The following CNTN5 variants were observed in gnomAD, a reference collection of about 807,000 sequenced individuals.
CNTN5 encodes the protein contactin-5.
CNTN5 carries 77 observed loss-of-function variants against 129.1 expected under a neutral mutation model. The observed-to-expected ratio is 0.60, with a 90% CI of 0.50 to 0.72. The LOEUF (loss-of-function observed/expected upper bound fraction) is 0.72. Among genes scored for constraint, CNTN5 ranks in the 30% least tolerant of loss-of-function variants. The probability of loss-of-function intolerance (pLI) is 0.00; values close to 1 mark genes in which losing one functional copy is unlikely to be tolerated. For synonymous variants in CNTN5, 509 were observed against 465.6 expected (o/e 1.09, Z -1.20); for missense variants, 1,478 against 1,328.8 (o/e 1.11, Z -1.75).
chr11:99,795,391 C>G (rs894901611), intron 3 of CNTN5, among the ~76,000 whole-genome samples: 1 of 152,192 alleles, frequency 6.6e-6, no homozygotes, highest in South Asian at 2.1e-4. Context: ...ATCTTTATTC[C>G]TATCCATATT....
At chr11:99,435,861 A>G (rs1228660679) in intron 2 of CNTN5, among the ~76,000 whole-genome samples, 3 of 152,202 alleles carry the variant, frequency 2.0e-5, no homozygotes, top group Admixed American at 6.5e-5. Context: ...ATGAAATTAT[A>G]TATGAGGAAG....
At chr11:99,668,956 C>T (rs1489308330) in intron 3 of CNTN5, among the ~76,000 whole-genome samples, 1 of 152,062 alleles carries the variant, frequency 6.6e-6, no homozygotes, top group African/African-American at 2.4e-5. Context: ...AATGCTCCAA[C>T]TGGGGGGAAA....
At chr11:99,954,335 G>T (rs1322023359) in intron 7 of CNTN5, among the ~76,000 whole-genome samples, 4 of 145,348 alleles carry the variant, frequency 2.8e-5, no homozygotes, top group African/African-American at 1.0e-4. Context: ...AAACATTTTA[G>T]TTGCTTTAGA....
At chr11:99,899,964 G>A (rs1456318491) in intron 6 of CNTN5, among the ~76,000 whole-genome samples, 1 of 151,900 alleles carries the variant, frequency 6.6e-6, no homozygotes, top group African/African-American at 2.4e-5. Flanking sequence ...AATCCTGGAA[G>A]TTTGTATGTT....
At chr11:99,383,533 G>A (rs1038315551) in intron 2 of CNTN5, among the ~76,000 whole-genome samples, 2 of 151,840 alleles carry the variant, frequency 1.3e-5, no homozygotes, top group African/African-American at 4.8e-5. Flanking sequence ...GTTATTAAAG[G>A]GACTCGATAC....
chr11:99,554,859 A>G (rs1948614574), intron 2 of CNTN5, among the ~76,000 whole-genome samples: 1 of 152,038 alleles, frequency 6.6e-6, no homozygotes, highest in Non-Finnish European at 1.5e-5. Context: ...AATTGTCACA[A>G]TTAGCTATGA....
chr11:99,861,502 T>A (rs1443154152), intron 6 of CNTN5, among the ~76,000 whole-genome samples: 1 of 152,208 alleles, frequency 6.6e-6, no homozygotes, highest in Non-Finnish European at 1.5e-5. Flanking sequence ...CATTTGAATT[T>A]TTTTTTCCAA....
chr11:100,074,404 A>G (rs1944045867), intron 13 of CNTN5, 110 bp downstream of exon 13: 1 of 953,520 alleles, frequency 1.0e-6, no homozygotes. Context: ...GACGTATTTT[A>G]TGAACTGATT....
chr11:99,944,488 A>G (rs1237442124), intron 7 of CNTN5, among the ~76,000 whole-genome samples: 1 of 152,100 alleles, frequency 6.6e-6, no homozygotes, highest in African/African-American at 2.4e-5. Flanking sequence ...CTTCTATTCA[A>G]TGTAGTATTG....
intron 1 of CNTN5, among the ~76,000 whole-genome samples, chr11:99,055,063 T>G (rs1443463743): frequency 6.6e-6 from 1 of 151,948 alleles, no homozygotes; most frequent in African/African-American, 2.4e-5. Flanking sequence ...TTCCCAGAAT[T>G]CAAAATATCT....
rs1218919071 is a variant in CNTN5 at position 100,358,438 on chromosome 11, T to C, written c.*2218T>C. On this transcript the variant is annotated 3_prime_UTR_variant, in exon 25 of 25. Transcript: ENST00000524871. ...GTTTTTACTTAACATACACAGAATA[T>C]GTATTTTGCATCATAAACCTATTTA... 1 of 151,914 alleles carries C rather than the reference T, an allele frequency of 6.6e-6. No individual in the cohort carries two copies. Among genetic ancestry groups the C allele is most frequent in the Non-Finnish European group, 1.5e-5 (1 of 67,844 alleles). 9.4% of individuals were successfully genotyped at this position (151,914 alleles called of 1,614,324 possible). A position where few individuals can be genotyped will look rare whatever the true frequency, so the allele number is the denominator to read the frequency against.
At chr11:99,530,705 T>C (rs1304454521) in intron 2 of CNTN5, among the ~76,000 whole-genome samples, 6 of 152,158 alleles carry the variant, frequency 3.9e-5, no homozygotes, top group African/African-American at 1.4e-4. Context: ...GGCCAGTCTT[T>C]CCCATGCTAT....
chr11:99,886,723 G>T (rs1841201098), intron 6 of CNTN5, among the ~76,000 whole-genome samples: 1 of 152,130 alleles, frequency 6.6e-6, no homozygotes, highest in African/African-American at 2.4e-5. Flanking sequence ...TTCAGAAAAT[G>T]AAATATGTTA....
At chr11:100,030,091 C>A (rs1248586827) in intron 9 of CNTN5, among the ~76,000 whole-genome samples, 1 of 151,992 alleles carries the variant, frequency 6.6e-6, no homozygotes, top group Non-Finnish European at 1.5e-5. Flanking sequence ...AAGAACATGG[C>A]TGTAGGTCAG....
intron 7 of CNTN5, among the ~76,000 whole-genome samples, chr11:99,947,389 G>A (rs1335699311): frequency 6.6e-6 from 1 of 150,418 alleles, no homozygotes; most frequent in East Asian, 1.9e-4. Flanking sequence ...ACAAATTCTT[G>A]ATGTAGAAAA....
At chr11:99,325,103 A>G (rs1865728155) in intron 1 of CNTN5, among the ~76,000 whole-genome samples, 1 of 152,086 alleles carries the variant, frequency 6.6e-6, no homozygotes, top group Non-Finnish European at 1.5e-5. Context: ...GTAAGCTTAG[A>G]GTGACATTAT....
At chr11:100,235,469 G>A (rs963753028) in intron 16 of CNTN5, among the ~76,000 whole-genome samples, 2 of 152,146 alleles carry the variant, frequency 1.3e-5, no homozygotes, top group Admixed American at 1.3e-4. Flanking sequence ...TGAGGGAGGA[G>A]GAGGCGGTAA....
chr11:99,465,489 TATAAC>T lies in CNTN5; in HGVS notation c.-70-90653_-70-90649del, dbSNP rs61252769. Among the ~76,000 whole-genome samples the T allele has an allele frequency of 5.8e-3, 886 of 152,138 alleles. 10 individuals carry two copies. The highest frequency in any genetic ancestry group is 0.02 in the African/African-American group (834 of 41,536). ...TTTCATTATAGTTTCTATAATGTAT[TATAAC>T]ATCATTTCTAGAATTTAGACAATAT... On this transcript the variant is annotated intron_variant, in intron 2 of 24. Transcript: ENST00000524871.
chr11:99,832,967 C>A (rs1211800799), intron 4 of CNTN5, among the ~76,000 whole-genome samples: 1 of 151,940 alleles, frequency 6.6e-6, no homozygotes, highest in Admixed American at 6.6e-5. Context: ...TAGATGTAAT[C>A]CCTGAGAAAA....
Sources: gnomAD v4.1 joint callset for allele counts (sites outside exome capture counted in the v4.1 genomes callset) on GRCh38, gnomAD v4.1.1 for gene constraint, MANE v1.5 for transcripts, NCBI Gene and HGNC (gene_info 2026-07-23, HGNC 2026-07-21) for gene names.